Variants in KSR2 observed in about 807,000 individuals in gnomAD.
KSR2 encodes kinase suppressor of ras 2.
Under a neutral mutation model 107.8 loss-of-function variants are expected in KSR2, and 25 were observed. The ratio of observed to expected loss-of-function variants is 0.23; its 90% CI spans 0.17 to 0.32. The LOEUF is 0.32. KSR2 is among the 10% of genes least tolerant of loss of function. KSR2 has a pLI of 1.00. For synonymous variants in KSR2, 480 were observed against 507.0 expected (o/e 0.95, Z 0.71); for missense variants, 887 against 1,268.9 (o/e 0.70, Z 4.57).
intron 9 of KSR2, among the ~76,000 whole-genome samples, chr12:117,545,620 T>C (rs1230352581): frequency 6.6e-6 from 1 of 152,216 alleles, no homozygotes; most frequent in African/African-American, 2.4e-5. Context: ...GCAGGGTCTG[T>C]AGTGATGTCC....
At chr12:117,860,740 A>G (rs1893263168) in intron 1 of KSR2, among the ~76,000 whole-genome samples, 2 of 152,152 alleles carry the variant, frequency 1.3e-5, no homozygotes, top group African/African-American at 2.4e-5. Flanking sequence ...TTGTTTTGAC[A>G]TGGAGTTTTG....
intron 3 of KSR2, among the ~76,000 whole-genome samples, chr12:117,787,230 T>C (rs1269225380): frequency 6.6e-6 from 1 of 152,104 alleles, no homozygotes; most frequent in East Asian, 1.9e-4. Context: ...GCAGATCAGT[T>C]TGGTCTTGTT....
intron 5 of KSR2, among the ~76,000 whole-genome samples, chr12:117,663,732 A>G (rs902942742): frequency 4.6e-5 from 7 of 152,190 alleles, no homozygotes; most frequent in African/African-American, 1.7e-4. Context: ...AATGATGACA[A>G]TTATTCCTTC....
intron 5 of KSR2, among the ~76,000 whole-genome samples, chr12:117,659,138 T>C (rs73211981): frequency 1.1e-4 from 17 of 152,174 alleles, no homozygotes; most frequent in Non-Finnish European, 2.5e-4. Context: ...GGGAATGGGA[T>C]TGCCCACTCT....
intron 9 of KSR2, among the ~76,000 whole-genome samples, chr12:117,552,808 A>C (rs1388528525): frequency 6.6e-6 from 1 of 152,180 alleles, no homozygotes; most frequent in Non-Finnish European, 1.5e-5. Context: ...GTTCCAATAA[A>C]ATTTTATTTA....
At chr12:117,875,132 T>A (rs1367125315) in intron 1 of KSR2, among the ~76,000 whole-genome samples, 11 of 152,042 alleles carry the variant, frequency 7.2e-5, no homozygotes, top group Admixed American at 7.2e-4. Context: ...GGCGGTAAAT[T>A]TAGCAGCATA....
At chr12:117,793,605 A>G (rs983252250) in intron 3 of KSR2, among the ~76,000 whole-genome samples, 3 of 144,574 alleles carry the variant, frequency 2.1e-5, no homozygotes, top group Non-Finnish European at 3.1e-5. Flanking sequence ...ATACACCAAC[A>G]TGCACACTCA....
At chr12:117,821,629 G>T (rs1891567888) in intron 3 of KSR2, among the ~76,000 whole-genome samples, 1 of 152,182 alleles carries the variant, frequency 6.6e-6, no homozygotes, top group Non-Finnish European at 1.5e-5. Flanking sequence ...TGAGGAGTTG[G>T]TGTTCCTAAC....
At chr12:117,840,486 C>A (rs1892422430) in intron 3 of KSR2, among the ~76,000 whole-genome samples, 1 of 152,124 alleles carries the variant, frequency 6.6e-6, no homozygotes, top group Non-Finnish European at 1.5e-5. Context: ...GCCTCCACCT[C>A]CTGGGTTCAA....
intron 5 of KSR2, among the ~76,000 whole-genome samples, chr12:117,648,795 G>A (rs141093434): frequency 1.8e-4 from 27 of 152,262 alleles, no homozygotes; most frequent in African/African-American, 6.0e-4. Context: ...AACCAATCAC[G>A]CCAAGCCAAT....
intron 3 of KSR2, among the ~76,000 whole-genome samples, chr12:117,769,006 GGA>G (rs1889343083): frequency 6.6e-6 from 1 of 152,180 alleles, no homozygotes; most frequent in Non-Finnish European, 1.5e-5. Flanking sequence ...CACAGCAATA[GGA>G]AATGCAGAAG....
At chr12:117,812,846 A>AAAAAG (rs1486373901) in intron 3 of KSR2, among the ~76,000 whole-genome samples, 1 of 150,896 alleles carries the variant, frequency 6.6e-6, no homozygotes, top group East Asian at 1.9e-4. Context: ...AATAGCCAAA[A>AAAAAG]AAAAAAAAAA....
At chr12:117,676,117 G>A (rs1378880157) in intron 4 of KSR2, among the ~76,000 whole-genome samples, 1 of 152,208 alleles carries the variant, frequency 6.6e-6, no homozygotes, top group African/African-American at 2.4e-5. Flanking sequence ...CAGCTGCTCA[G>A]AGCCCAGGAA....
intron 5 of KSR2, among the ~76,000 whole-genome samples, chr12:117,651,717 G>A (rs531819752): frequency 6.6e-6 from 1 of 152,342 alleles, no homozygotes; most frequent in South Asian, 2.1e-4. Flanking sequence ...GGGAGATTGG[G>A]ATGGTGGAGT....
chr12:117,531,290 ATCTT>A (rs1273300805), intron 11 of KSR2, among the ~76,000 whole-genome samples: 2 of 152,060 alleles, frequency 1.3e-5, no homozygotes, highest in African/African-American at 4.8e-5. Flanking sequence ...TCATCTCTGA[ATCTT>A]TCTTTCTCCT....
chr12:117,887,301 T>C (rs900989235), intron 1 of KSR2, among the ~76,000 whole-genome samples: 3 of 152,076 alleles, frequency 2.0e-5, no homozygotes, highest in African/African-American at 4.8e-5. Flanking sequence ...AAGGTCTTGC[T>C]ATGTTGCCCA....
chr12:117,666,435 G>A (rs1219401991), intron 5 of KSR2, among the ~76,000 whole-genome samples: 1 of 152,220 alleles, frequency 6.6e-6, no homozygotes, highest in African/African-American at 2.4e-5. Context: ...GTTATCAAAT[G>A]ATGTGTGATG....
chr12:117,629,092 T>C (rs1882681259), intron 5 of KSR2, among the ~76,000 whole-genome samples: 1 of 152,226 alleles, frequency 6.6e-6, no homozygotes. Flanking sequence ...GTCCTGTTTT[T>C]CCAGGTAGTC....
intron 3 of KSR2, among the ~76,000 whole-genome samples, chr12:117,843,044 C>T (rs1355662240): frequency 1.3e-5 from 2 of 151,992 alleles, no homozygotes; most frequent in East Asian, 1.9e-4. Flanking sequence ...AAAATAATCA[C>T]AGTCCAGTAC....
Sources: allele counts gnomAD v4.1 joint callset (sites outside exome capture counted in the v4.1 genomes callset), GRCh38; gene constraint gnomAD v4.1.1; transcripts MANE v1.5; gene names NCBI Gene and HGNC (gene_info 2026-07-23, HGNC 2026-07-21).